Variants in SH3TC1 observed in about 807,000 individuals in gnomAD.
SH3TC1 encodes SH3 domain and tetratricopeptide repeats 1.
SH3TC1 carries 135 observed loss-of-function variants against 117.3 expected under a neutral mutation model. The observed-to-expected ratio is 1.15, with a 90% CI of 1.00 to 1.33. The LOEUF (loss-of-function observed/expected upper bound fraction) is 1.33, where lower values mean the gene tolerates loss of function less well. Among genes scored for constraint, SH3TC1 ranks in the 40% most tolerant of loss-of-function variants. The pLI is 0.00. For synonymous variants in SH3TC1, 898 were observed against 816.9 expected, an observed-to-expected ratio of 1.10 and a Z score of -1.69; for missense variants, 2,092 against 1,794.3, an observed-to-expected ratio of 1.17 and a Z score of -3.00.
At chr4:8,221,128 G>A (rs1719883038) in intron 9 of SH3TC1, among the ~76,000 whole-genome samples, 1 of 152,182 alleles carries the variant, frequency 6.6e-6, no homozygotes, top group African/African-American at 2.4e-5. Flanking sequence ...TGTTCCATGG[G>A]ACACTCTTTG....
rs1561680752 is a variant in SH3TC1 at position 8,205,640 on chromosome 4, C to T, written c.172+274C>T. 3 of 765,912 alleles carry T rather than the reference C, an allele frequency of 3.9e-6. No homozygotes were observed. The highest frequency in any genetic ancestry group is 7.2e-6 in the Non-Finnish European group (3 of 418,774). 47.4% of individuals were successfully genotyped at this position (765,912 alleles called of 1,614,324 possible). ...AACTGGCAAAGAACGAGGCAGGGGC[C>T]TTTGAACCCCCATGTTCAGAGACCG... is the stretch of plus-strand genomic sequence containing the variant. On this transcript the variant is annotated intron_variant, in intron 2 of 17. Transcript: ENST00000245105. The surrounding 1 kb of genome is among the most constrained non-coding windows in gnomAD (Gnocchi z 5.4).
chr4:8,200,916 C>T (rs546995469), intron 1 of SH3TC1, among the ~76,000 whole-genome samples: 31 of 152,306 alleles, frequency 2.0e-4, no homozygotes, highest in African/African-American at 4.8e-4. Flanking sequence ...AAGGACACCA[C>T]GCACTGGATT....
upstream of SH3TC1, among the ~76,000 whole-genome samples, chr4:8,196,381 G>A (rs1437705063): frequency 1.3e-5 from 2 of 152,098 alleles, no homozygotes; most frequent in Admixed American, 6.5e-5. This position sits in a 1 kb window ranked among gnomAD's most constrained non-coding sequence, Gnocchi z 4.6. Context: ...TGGTGGGGAC[G>A]TGGGGAGAGG....
intron 4 of SH3TC1, among the ~76,000 whole-genome samples, chr4:8,213,952 G>A (rs1216691281): frequency 1.3e-5 from 2 of 151,756 alleles, no homozygotes; most frequent in African/African-American, 4.8e-5. Flanking sequence ...GACTCTAATA[G>A]TACCCCCCGA....
At chr4:8,234,786 G>A (rs2152997013) in intron 14 of SH3TC1, among the ~76,000 whole-genome samples, 1 of 152,316 alleles carries the variant, frequency 6.6e-6, no homozygotes, top group East Asian at 1.9e-4. Context: ...GCACCTGCTG[G>A]TATACAGCAC....
chr4:8,191,919 GGC>G (rs1717427482), intron 1 of SH3TC1, among the ~76,000 whole-genome samples: 1 of 151,994 alleles, frequency 6.6e-6, no homozygotes, highest in Non-Finnish European at 1.5e-5. Context: ...GGTCCGGCCG[GGC>G]TGTGTTTTCC....
chr4:8,211,786 A>T (rs1718755770), intron 3 of SH3TC1, among the ~76,000 whole-genome samples: 1 of 152,006 alleles, frequency 6.6e-6, no homozygotes, highest in African/African-American at 2.4e-5. Flanking sequence ...GGATCTCAGG[A>T]GCTCCACAGC....
chr4:8,206,659 G>C lies in SH3TC1; in HGVS notation c.172+1293G>C, dbSNP rs78194933. On this transcript the variant is annotated intron_variant, in intron 2 of 17. Coordinates refer to ENST00000245105, the MANE Select transcript of SH3TC1 (RefSeq NM_018986.5). The surrounding 1 kb of genome is among the most constrained non-coding windows in gnomAD (Gnocchi z 5.5). ...GAGGAAACTTTCCCTGCTTGGCCAA[G>C]GGAAAGCTGGCTTGGGGTGGGGCTC... 0.025 allele frequency among the ~76,000 whole-genome samples: 3,843 copies of C among 151,976 alleles called. 105 individuals are homozygous for C. The highest frequency in any genetic ancestry group is 0.073 in the African/African-American group (3,024 of 41,452).
chr4:8,208,222 A>T (rs1490505414), intron 2 of SH3TC1, among the ~76,000 whole-genome samples: 4 of 152,156 alleles, frequency 2.6e-5, no homozygotes, highest in Non-Finnish European at 4.4e-5. Context: ...CTGCTGCTGG[A>T]TTCTTTAGCT....
chr4:8,222,742 ACTAT>A lies in SH3TC1; in HGVS notation c.1113-95_1113-92del, dbSNP rs531615324. On this transcript the variant is annotated intron_variant, in intron 9 of 17. Coordinates refer to ENST00000245105, the MANE Select transcript of SH3TC1 (RefSeq NM_018986.5). ...CCTGGGCAGAGAGTAGTGCTCCGAG[ACTAT>A]CTGTCTGTCAAATCAAGGAATGGAA... 183 of 1,465,946 alleles carry A rather than the reference ACTAT, an allele frequency of 1.2e-4. 1 individual carries two copies. Among genetic ancestry groups the A allele is most frequent in the African/African-American group, 1.1e-3 (79 of 72,168 alleles). 90.8% of individuals were successfully genotyped at this position (1,465,946 alleles called of 1,614,324 possible).
rs1323020218 is a variant in SH3TC1 at position 8,190,328 on chromosome 4, G to A, written c.-57+8118G>A. 6.6e-6 allele frequency among the ~76,000 whole-genome samples: 1 copy of A among 152,180 alleles called. No individual in the cohort carries two copies. Among genetic ancestry groups the A allele is most frequent in the Admixed American group, 6.5e-5 (1 of 15,282 alleles). On this transcript the variant is annotated intron_variant, in intron 1 of 16. Transcript: ENST00000508641. The surrounding 1 kb of genome is among the most constrained non-coding windows in gnomAD (Gnocchi z 4.7). ...GACTGTGTGCTTGGGTTGGGTTAAT[G>A]ACTGTGTAAGCCAAGGTCAGGATCA...
intron 6 of SH3TC1, among the ~76,000 whole-genome samples, chr4:8,216,684 C>A (rs1533504): frequency 6.6e-6 from 1 of 151,930 alleles, no homozygotes; most frequent in Non-Finnish European, 1.5e-5. Context: ...GGGGTCCCAC[C>A]TTTGGCTCCG....
rs773821923 is a variant in SH3TC1 at position 8,218,293 on chromosome 4, G to A, written c.862G>A (p.Asp288Asn). ...CAGGTGGGCTCTTAGGATCCCCCAG[G>A]ACCCCATCGACGATGCCATGGGTGG... ...FHQWALRIPQ[D>N]PIDDAMGGPV... Residue 288 changes from aspartate (D) to asparagine (N), a missense_variant, in exon 8 of 18, where the codon GAC becomes AAC. Coordinates refer to ENST00000245105, the MANE Select transcript of SH3TC1 (RefSeq NM_018986.5). The A allele has an allele frequency of 3.7e-6, 6 of 1,612,318 alleles. No individual in the cohort carries two copies. In the East Asian group the frequency reaches 6.7e-5, roughly 18 times the overall value.
rs138234848 is a variant in SH3TC1 at position 8,232,094 on chromosome 4, G to A, written c.3069G>A (p.Lys1023=). 1.8e-4 allele frequency: 289 copies of A among 1,613,050 alleles called. 1 individual carries two copies. Among genetic ancestry groups the A allele is most frequent in the Admixed American group, 3.3e-5 (2 of 59,986 alleles). The change falls in exon 13 of 18, where the codon AAG becomes AAA. Residue 1023 remains lysine (K), a synonymous_variant. Coordinates refer to ENST00000245105, the MANE Select transcript of SH3TC1 (RefSeq NM_018986.5). ...CCCTGGCCTGCAAGGTGGCCGACAA[G>A]GTGCTGGAGGGGCAGCTCCTGGAGA... ...QLSLACKVAD[K]VLEGQLLETI...
At chr4:8,199,986 A>T (rs1039580236) in intron 1 of SH3TC1, among the ~76,000 whole-genome samples, 3 of 152,158 alleles carry the variant, frequency 2.0e-5, no homozygotes, top group Non-Finnish European at 2.9e-5. Context: ...CTTCAACTGC[A>T]GGTGTGCCGG....
chr4:8,227,407 C>T lies in SH3TC1; in HGVS notation c.1713C>T (p.Ser571=). ...GCTTCCTCCTGGGGCGGCTGTGCAG[C>T]AGGAGGCTCAAGCTGTCCCAGGCCC... ...RLCFLLGRLC[S]RRLKLSQARV... is the part of the protein sequence containing the mutation. The change falls in exon 12 of 18, where the codon AGC becomes AGT. Residue 571 remains serine (S), a synonymous_variant. Coordinates refer to ENST00000245105, the MANE Select transcript of SH3TC1 (RefSeq NM_018986.5). The T allele has an allele frequency of 6.5e-7, 1 of 1,549,712 alleles. No homozygotes were observed. The highest frequency in any genetic ancestry group is 1.2e-5 in the South Asian group (1 of 80,556).
At position 8,227,235 on chromosome 4, in the gene SH3TC1, G is replaced by A; in HGVS notation, c.1541G>A (p.Ser514Asn). The A allele has an allele frequency of 6.3e-7, 1 of 1,581,098 alleles. No homozygotes were observed. The highest frequency in any genetic ancestry group is 1.1e-5 in the South Asian group (1 of 88,186). Residue 514 changes from serine to asparagine, a missense_variant, in exon 12 of 18, where the codon AGC (serine) becomes AAC (asparagine). Ser to Asn is a conservative substitution (Grantham distance 46). Coordinates refer to ENST00000245105, the MANE Select transcript of SH3TC1 (RefSeq NM_018986.5). ...LFLNAPGYKA[S>N]FRGLYDVALP... is the part of the protein sequence containing the mutation. ...CTGAACGCCCCTGGGTACAAGGCCA[G>A]CTTCCGTGGCCTGTACGATGTGGCG... is the stretch of plus-strand genomic sequence containing the variant.
chr4:8,218,116 A>G (rs1281137), intron 7 of SH3TC1, 155 bp from the exon 8 acceptor site: 136,077 of 476,130 alleles, frequency 0.29, 14,909 homozygotes, highest in Non-Finnish European at 0.34. Context: ...CTGGGCAGGC[A>G]TGTGTGTGTG....
rs1345942827 is a variant in SH3TC1, at chr4:8,192,495, T to TATTTC, written c.-57+10290_-57+10294dup. On this transcript the variant is annotated intron_variant, in intron 1 of 16. Coordinates refer to the SH3TC1 transcript ENST00000508641. The surrounding 1 kb of genome is among the most constrained non-coding windows in gnomAD (Gnocchi z 4.1). ...TATTTTATTTTATTTTATTTTATTT[T>TATTTC]ATTTCATTTTATTTTTGAGATGGAG... Among the ~76,000 whole-genome samples, 7 of 133,482 alleles carry TATTTC rather than the reference T, an allele frequency of 5.2e-5. No homozygotes were observed. Among genetic ancestry groups the TATTTC allele is most frequent in the South Asian group, 4.9e-4 (2 of 4,058 alleles). 87.6% of individuals were successfully genotyped at this position (133,482 alleles called of 152,430 possible). A position where few individuals can be genotyped will look rare whatever the true frequency, so the allele number is the denominator to read the frequency against.
Sources: gnomAD v4.1 joint callset for allele counts (sites outside exome capture counted in the v4.1 genomes callset) on GRCh38, gnomAD v4.1.1 for gene constraint, Gnocchi (gnomAD v3.1) non-coding constraint, MANE v1.5 for transcripts, NCBI Gene and HGNC (gene_info 2026-07-23, HGNC 2026-07-21) for gene names.